CMTM4: variants seen among roughly 807,000 people sequenced by gnomAD.
CMTM4 encodes the protein CKLF like MARVEL transmembrane domain containing 4.
A neutral mutation model predicts 19.0 loss-of-function variants in CMTM4; 8 were observed. The ratio of observed to expected loss-of-function variants is 0.42; its 90% CI spans 0.25 to 0.76. The LOEUF is 0.76. Ranked by LOEUF, CMTM4 falls within the 30% of genes least tolerant of loss-of-function variation. CMTM4 has a pLI of 0.27. For missense variants in CMTM4, 228 were observed against 290.2 expected, an observed-to-expected ratio of 0.79 and a Z score of 1.56; for synonymous variants, 106 against 121.1, an observed-to-expected ratio of 0.88 and a Z score of 0.82.
intron 2 of CMTM4, among the ~76,000 whole-genome samples, chr16:66,623,831 A>G (rs1361149216): frequency 6.6e-6 from 1 of 152,214 alleles, no homozygotes; most frequent in African/African-American, 2.4e-5. Flanking sequence ...TCATCTTGCT[A>G]TGGACAAAGC....
At chr16:66,680,578 T>C (rs1215954271) in intron 1 of CMTM4, among the ~76,000 whole-genome samples, 1 of 150,692 alleles carries the variant, frequency 6.6e-6, no homozygotes, top group Non-Finnish European at 1.5e-5. Flanking sequence ...ATCGAGACCA[T>C]CATGGCTAAC....
At chr16:66,630,914 C>A (rs1230505935) in intron 2 of CMTM4, among the ~76,000 whole-genome samples, 2 of 151,158 alleles carry the variant, frequency 1.3e-5, no homozygotes, top group African/African-American at 4.9e-5. Context: ...CCCGCCGCCC[C>A]GTCTGGGATG....
chr16:66,633,454 C>T (rs2015923007), intron 2 of CMTM4, among the ~76,000 whole-genome samples: 1 of 152,104 alleles, frequency 6.6e-6, no homozygotes, highest in Non-Finnish European at 1.5e-5. Context: ...AGTTGATGAG[C>T]TGAGATCGGC....
chr16:66,604,794 G>A, the CMTM4 span: 17 of 1,225,388 alleles, frequency 1.4e-5, no homozygotes, highest in Middle Eastern at 3.2e-4. Flanking sequence ...CGGCCCTACC[G>A]CCGCCGCCGC....
chr16:66,605,912 G>T, the CMTM4 span, among the ~76,000 whole-genome samples: 7 of 152,042 alleles, frequency 4.6e-5, no homozygotes. The surrounding 1 kb of genome is among the most constrained non-coding windows in gnomAD (Gnocchi z 4.6). Flanking sequence ...CAACGCCCAA[G>T]TGAGACACCA....
At chr16:66,636,266 A>G in intron 2 of CMTM4, 139 bp downstream of exon 2, 1 of 628,088 alleles carries the variant, frequency 1.6e-6, no homozygotes, top group Middle Eastern at 4.6e-4. Context: ...GAAATTTAAA[A>G]TTTCACAGTT....
rs530538337 is a variant in CMTM4, at chr16:66,620,421, A to G, written c.*1637T>C. On this transcript the variant is annotated 3_prime_UTR_variant, in exon 4 of 4. Coordinates refer to ENST00000394106, the MANE Select transcript of CMTM4 (RefSeq NM_181521.3). Reference sequence around the variant, plus strand: ...CACATAGCCTGGGACACTGCTCCCAACTCAGATCGTACTGAAGGTGTTGGT... The same window carrying G: ...CACATAGCCTGGGACACTGCTCCCAGCTCAGATCGTACTGAAGGTGTTGGT... 2.9e-3 allele frequency: 2,874 copies of G among 985,452 alleles called. 10 individuals carry two copies. The highest frequency in any genetic ancestry group is 3.3e-3 in the Non-Finnish European group (2,774 of 829,970). The allele number at this position is 985,452 out of a possible 1,614,324, so 61.0% of individuals were successfully genotyped here. A position where few individuals can be genotyped will look rare whatever the true frequency, so the allele number is the denominator to read the frequency against.
intron 1 of CMTM4, among the ~76,000 whole-genome samples, chr16:66,679,139 T>C (rs1384579437): frequency 6.6e-6 from 1 of 151,338 alleles, no homozygotes; most frequent in Non-Finnish European, 1.5e-5. Context: ...TACAAACAAG[T>C]TAAAGTCCAA....
At chr16:66,650,304 T>G (rs1202924557) in intron 1 of CMTM4, among the ~76,000 whole-genome samples, 3 of 152,224 alleles carry the variant, frequency 2.0e-5, no homozygotes, top group Admixed American at 2.0e-4. Context: ...GTTCCTAAAG[T>G]TTTCTGGCCA....
At chr16:66,679,286 T>C (rs1460999949) in intron 1 of CMTM4, among the ~76,000 whole-genome samples, 1 of 152,118 alleles carries the variant, frequency 6.6e-6, no homozygotes, top group Non-Finnish European at 1.5e-5. Context: ...TTCACTTCTT[T>C]ACCCCGCTCC....
At chr16:66,681,203 AAC>A (rs1376822525) in intron 1 of CMTM4, among the ~76,000 whole-genome samples, 1 of 152,204 alleles carries the variant, frequency 6.6e-6, no homozygotes, top group Non-Finnish European at 1.5e-5. Context: ...CAGCCTGGGC[AAC>A]ACAGTGAGAC....
intron 1 of CMTM4, among the ~76,000 whole-genome samples, chr16:66,686,114 G>A (rs1361835774): frequency 4.6e-5 from 7 of 152,142 alleles, no homozygotes; most frequent in South Asian, 2.1e-4. Flanking sequence ...TTAGCTGGGC[G>A]TGGTGGCACG....
Position 66,615,371 on chromosome 16 carries a change from T to C in CMTM4, c.*6687A>G, listed in dbSNP as rs1217384821. 6.6e-6 allele frequency: 1 copy of C among 152,262 alleles called. No homozygotes were observed. The highest frequency in any genetic ancestry group is 1.5e-5 in the Non-Finnish European group (1 of 68,050). The allele number at this position is 152,262 out of a possible 1,614,324, so 9.4% of individuals were successfully genotyped here. Reference sequence around the variant, plus strand: ...AATCCATCTGTACCTTCATTTGCAATGGCTCAGCTAGTTTACTCAAGGGTT... The same window carrying C: ...AATCCATCTGTACCTTCATTTGCAACGGCTCAGCTAGTTTACTCAAGGGTT... On this transcript the variant is annotated 3_prime_UTR_variant, in exon 4 of 4. Coordinates refer to ENST00000394106, the MANE Select transcript of CMTM4 (RefSeq NM_181521.3). The surrounding 1 kb of genome is among the most constrained non-coding windows in gnomAD (Gnocchi z 4.9).
At chr16:66,637,202 A>G (rs1241665534) in intron 1 of CMTM4, among the ~76,000 whole-genome samples, 1 of 152,224 alleles carries the variant, frequency 6.6e-6, no homozygotes, top group Non-Finnish European at 1.5e-5. Flanking sequence ...ACTTGATCAC[A>G]ACAAGATGGC....
At chr16:66,663,264 A>G (rs192156176) in intron 1 of CMTM4, among the ~76,000 whole-genome samples, 3 of 152,360 alleles carry the variant, frequency 2.0e-5, no homozygotes, top group East Asian at 3.9e-4. Flanking sequence ...CTCAATTCAT[A>G]TGGAAAAAGA....
downstream of CMTM4, chr16:66,614,731 G>A (rs750100839): frequency 6.6e-6 from 1 of 152,228 alleles, no homozygotes; most frequent in Non-Finnish European, 1.5e-5. This position sits in a 1 kb window ranked among gnomAD's most constrained non-coding sequence, Gnocchi z 4.9. Context: ...GCCACTCAGA[G>A]TGAGGAGAGA....
At chr16:66,645,677 G>A (rs1413185199) in intron 1 of CMTM4, among the ~76,000 whole-genome samples, 1 of 151,060 alleles carries the variant, frequency 6.6e-6, no homozygotes, top group African/African-American at 2.4e-5. Context: ...TGCACTGTGT[G>A]TCGTATTAAA....
At position 66,675,076 on chromosome 16, in the gene CMTM4, T is replaced by A. The variant is rs562507642; in HGVS notation, c.186+21264A>T. On this transcript the variant is annotated intron_variant, in intron 1 of 3. Transcript: ENST00000394106. ...ATATTCTTTTCTTTACTTAAAAAAA[T>A]TTTTTTTTTAATTTTTTTTTTTGAG... Among the ~76,000 whole-genome samples, 509 of 148,828 alleles carry A rather than the reference T, an allele frequency of 3.4e-3. 1 individual carries two copies. Among genetic ancestry groups the A allele is most frequent in the Non-Finnish European group, 4.1e-3 (273 of 67,276 alleles).
At chr16:66,599,587 T>C in the CMTM4 span, among the ~76,000 whole-genome samples, 1 of 152,138 alleles carries the variant, frequency 6.6e-6, no homozygotes, top group South Asian at 2.1e-4. Flanking sequence ...CCTGGAACTC[T>C]TGGGCTCAAG....
Sources: gnomAD v4.1 joint callset for allele counts (sites outside exome capture counted in the v4.1 genomes callset) on GRCh38, gnomAD v4.1.1 for gene constraint, Gnocchi (gnomAD v3.1) non-coding constraint, MANE v1.5 for transcripts, NCBI Gene and HGNC (gene_info 2026-07-23, HGNC 2026-07-21) for gene names.